Variants in TMEM132D observed in about 807,000 individuals in gnomAD.
TMEM132D encodes the protein transmembrane protein 132D.
In TMEM132D, 21 loss-of-function variants were observed where a neutral mutation model predicts 62.3. That is an observed-to-expected ratio of 0.34 (90% CI 0.24 to 0.49). The LOEUF is 0.49. TMEM132D is among the 20% of genes least tolerant of loss of function. The probability of loss-of-function intolerance (pLI) is 0.99; values close to 1 mark genes in which losing one functional copy is unlikely to be tolerated. For synonymous variants in TMEM132D, 621 were observed against 575.6 expected, an observed-to-expected ratio of 1.08 and a Z score of -1.13; for missense variants, 1,346 against 1,402.8, an observed-to-expected ratio of 0.96 and a Z score of 0.65.
rs140308183 is a variant in TMEM132D, at chr12:129,081,804, G to T, written c.1878C>A (p.Gly626=). The T allele has an allele frequency of 7.4e-6, 12 of 1,611,050 alleles. No individual in the cohort carries two copies. Among genetic ancestry groups the T allele is most frequent in the Non-Finnish European group, 1.0e-5 (12 of 1,179,572 alleles). ...GCTCCTGCCCCATCAGGATCTGTCC[G>T]CCTTGCAGCTTGGCGATCCTGGGCT... ...VEEPRIAKLQ[G]GQILMGQELG... The change falls in exon 7 of 9, where the codon GGC becomes GGA. Residue 626 remains glycine, a synonymous_variant. Transcript: ENST00000422113.
intron 2 of TMEM132D, among the ~76,000 whole-genome samples, chr12:129,568,084 A>G (rs1877416822): frequency 6.6e-6 from 1 of 152,206 alleles, no homozygotes; most frequent in Non-Finnish European, 1.5e-5. Context: ...CTATTACAGG[A>G]GCTCTAAGTG....
At chr12:129,583,961 C>T (rs137888975) in intron 2 of TMEM132D, among the ~76,000 whole-genome samples, 57 of 152,204 alleles carry the variant, frequency 3.7e-4, no homozygotes, top group Non-Finnish European at 7.6e-4. Context: ...ATAAATATTT[C>T]GGTTTCTGAA....
At chr12:129,706,408 A>C (rs911081007) in intron 1 of TMEM132D, among the ~76,000 whole-genome samples, 3 of 152,064 alleles carry the variant, frequency 2.0e-5, no homozygotes, top group African/African-American at 7.2e-5. Context: ...TAAAGGTCTT[A>C]ATTTTAATAA....
chr12:129,329,706 A>G (rs1251983256), intron 4 of TMEM132D, among the ~76,000 whole-genome samples: 1 of 152,024 alleles, frequency 6.6e-6, no homozygotes, highest in Non-Finnish European at 1.5e-5. Context: ...GTTCTCTTAC[A>G]CGCCTTTACT....
chr12:129,490,461 C>G (rs922229446), intron 3 of TMEM132D, among the ~76,000 whole-genome samples: 9 of 124,876 alleles, frequency 7.2e-5, no homozygotes, highest in African/African-American at 2.5e-4. Context: ...GACAGAGTCT[C>G]GCTGTCTCCC....
In TMEM132D at chr12:129,549,381, G is replaced by C. The variant is rs146710738; in HGVS notation, c.969-18176C>G. On this transcript the variant is annotated intron_variant, in intron 2 of 8. Transcript: ENST00000422113. ...GCTCCTATAATTTCCACGTGTTGTG[G>C]GAAGGACCTGGTGGGAGATAAGTGA... Among the ~76,000 whole-genome samples the C allele has an allele frequency of 4.4e-3, 662 of 151,784 alleles. 9 individuals carry two copies. The highest frequency in any genetic ancestry group is 0.015 in the African/African-American group (624 of 41,352).
At chr12:129,504,084 C>G (rs1424945850) in intron 3 of TMEM132D, among the ~76,000 whole-genome samples, 1 of 151,972 alleles carries the variant, frequency 6.6e-6, no homozygotes, top group South Asian at 2.1e-4. Flanking sequence ...CCCTCATCAC[C>G]ATTATCACCA....
chr12:129,245,377 T>A (rs1220964228), intron 4 of TMEM132D, among the ~76,000 whole-genome samples: 3 of 152,370 alleles, frequency 2.0e-5, no homozygotes, highest in Admixed American at 2.0e-4. Flanking sequence ...CATGTATTTT[T>A]ATGGCTCGAT....
At chr12:129,144,978 G>A (rs1336035658) in intron 5 of TMEM132D, among the ~76,000 whole-genome samples, 3 of 151,602 alleles carry the variant, frequency 2.0e-5, no homozygotes, top group Non-Finnish European at 4.4e-5. Context: ...TCACTTTGGG[G>A]TAGTTTTTCA....
At chr12:129,147,261 T>TATGTGCATATGTATATATATAA (rs1876931726) in intron 5 of TMEM132D, among the ~76,000 whole-genome samples, 1 of 142,384 alleles carries the variant, frequency 7.0e-6, no homozygotes, top group Non-Finnish European at 1.5e-5. Flanking sequence ...TATATATACA[T>TATGTGCATATGTATATATATAA]ATGTGCATAT....
chr12:129,409,720 A>C (rs764718217), intron 3 of TMEM132D, among the ~76,000 whole-genome samples: 1 of 152,238 alleles, frequency 6.6e-6, no homozygotes, highest in African/African-American at 2.4e-5. Flanking sequence ...TAAACAGTAA[A>C]GAGTAAATAC....
intron 3 of TMEM132D, among the ~76,000 whole-genome samples, chr12:129,528,431 C>CAA (rs200147997): frequency 3.9e-4 from 52 of 133,188 alleles, no homozygotes; most frequent in Non-Finnish European, 6.2e-4. Flanking sequence ...ATGCACACAG[C>CAA]AAAAAAAAAA....
At chr12:129,593,692 C>T (rs1026523285) in intron 2 of TMEM132D, among the ~76,000 whole-genome samples, 2 of 152,158 alleles carry the variant, frequency 1.3e-5, no homozygotes, top group African/African-American at 4.8e-5. Flanking sequence ...CCTTTACTTG[C>T]TCAATACTCA....
At chr12:129,344,011 A>G (rs1869603296) in intron 3 of TMEM132D, among the ~76,000 whole-genome samples, 1 of 152,104 alleles carries the variant, frequency 6.6e-6, no homozygotes, top group African/African-American at 2.4e-5. Context: ...TTTGTCACAA[A>G]CCCTTGTAGC....
chr12:129,484,126 T>A (rs1485553859), intron 3 of TMEM132D, among the ~76,000 whole-genome samples: 1 of 152,096 alleles, frequency 6.6e-6, no homozygotes, highest in African/African-American at 2.4e-5. Context: ...TGCACCACCA[T>A]ACTTGGCTTA....
chr12:129,417,297 C>A (rs1466275946), intron 3 of TMEM132D, among the ~76,000 whole-genome samples: 2 of 152,242 alleles, frequency 1.3e-5, no homozygotes, highest in South Asian at 4.1e-4. Flanking sequence ...TGACTTCAAG[C>A]TATACTACAA....
chr12:129,104,570 C>T (rs1296017484), intron 5 of TMEM132D, among the ~76,000 whole-genome samples: 2 of 152,000 alleles, frequency 1.3e-5, no homozygotes, highest in Non-Finnish European at 2.9e-5. Context: ...AGAGCTTCTG[C>T]ACAGCAAAAG....
At chr12:129,845,811 G>A (rs1299782127) in intron 1 of TMEM132D, among the ~76,000 whole-genome samples, 1 of 152,220 alleles carries the variant, frequency 6.6e-6, no homozygotes. Context: ...GCAGTGAACA[G>A]CAGCAGCAGA....
At chr12:129,438,575 C>G (rs1444070482) in intron 3 of TMEM132D, among the ~76,000 whole-genome samples, 3 of 152,088 alleles carry the variant, frequency 2.0e-5, no homozygotes, top group Admixed American at 2.0e-4. Context: ...AGACACAAGT[C>G]CCTGGATTTA....
Sources: allele counts gnomAD v4.1 joint callset (sites outside exome capture counted in the v4.1 genomes callset), GRCh38; gene constraint gnomAD v4.1.1; transcripts MANE v1.5; gene names NCBI Gene and HGNC (gene_info 2026-07-23, HGNC 2026-07-21).